The following DLGAP1 variants were observed in gnomAD, a reference collection of about 807,000 sequenced individuals.
DLGAP1 encodes the protein DLG associated protein 1.
Under a neutral mutation model 90.8 loss-of-function variants are expected in DLGAP1, and 11 were observed. That is an observed-to-expected ratio of 0.12 (90% confidence interval 0.08 to 0.20). The LOEUF is 0.20. Among genes scored for constraint, DLGAP1 ranks in the 10% least tolerant of loss-of-function variants. The pLI, the probability that DLGAP1 is intolerant of heterozygous loss-of-function variation, is 1.00. For synonymous variants in DLGAP1, 558 were observed against 540.7 expected (o/e 1.03, Z -0.44); for missense variants, 1,050 against 1,333.8 (o/e 0.79, Z 3.31).
intron 2 of DLGAP1, among the ~76,000 whole-genome samples, chr18:4,100,595 G>A (rs2075764958): frequency 1.3e-5 from 2 of 152,182 alleles, no homozygotes; most frequent in African/African-American, 4.8e-5. Context: ...GTCCTTTGAA[G>A]CTTTGAAACC....
At chr18:3,893,264 T>C (rs1352941075) in intron 3 of DLGAP1, among the ~76,000 whole-genome samples, 4 of 152,042 alleles carry the variant, frequency 2.6e-5, no homozygotes, top group African/African-American at 4.8e-5. Flanking sequence ...TGCCATGGTG[T>C]ATATATACCA....
At chr18:4,153,723 C>T (rs1359672133) in intron 1 of DLGAP1, among the ~76,000 whole-genome samples, 2 of 152,164 alleles carry the variant, frequency 1.3e-5, no homozygotes, top group Non-Finnish European at 2.9e-5. Context: ...CAATCATGTG[C>T]TTCCTACTCT....
chr18:4,229,144 A>G (rs765999287), intron 1 of DLGAP1, among the ~76,000 whole-genome samples: 2 of 152,030 alleles, frequency 1.3e-5, no homozygotes, highest in Non-Finnish European at 2.9e-5. Context: ...CGAAAGATCT[A>G]TAATGAAAAC....
chr18:3,793,595 A>G (rs2065846415), intron 5 of DLGAP1, among the ~76,000 whole-genome samples: 1 of 151,820 alleles, frequency 6.6e-6, no homozygotes, highest in South Asian at 2.1e-4. Flanking sequence ...TTAGAGTACA[A>G]CTCGAAGTGC....
In DLGAP1 at chr18:3,567,539, C is replaced by T. The variant is rs1046077831; in HGVS notation, c.2008G>A (p.Ala670Thr). 2 of 1,614,034 alleles carry T rather than the reference C, an allele frequency of 1.2e-6. No individual in the cohort carries two copies. The highest frequency in any genetic ancestry group is 1.7e-6 in the Non-Finnish European group (2 of 1,179,984). ...EEPDKTGENK[A>T]PSKFQSVGVQ... ...CCCACGGACTGGAACTTACTGGGTG[C>T]TTTATTCTCCCCTGTTTTGTCAGGT... The change falls in exon 9 of 13, where the codon GCA becomes ACA. Residue 670 changes from alanine (A) to threonine (T), a missense_variant. This residue lies in a region of DLGAP1 where 565 missense variants were observed against 879.7 expected (regional missense o/e 0.64). Coordinates refer to ENST00000315677, the MANE Select transcript of DLGAP1 (RefSeq NM_004746.4).
chr18:3,672,116 A>G, intron 7 of DLGAP1, among the ~76,000 whole-genome samples: 1 of 152,080 alleles, frequency 6.6e-6, no homozygotes, highest in East Asian at 1.9e-4. Context: ...ATCATTGAAA[A>G]TAAGTTATGA....
chr18:4,425,250 T>C (rs2083126889), intron 1 of DLGAP1, among the ~76,000 whole-genome samples: 1 of 152,192 alleles, frequency 6.6e-6, no homozygotes, highest in African/African-American at 2.4e-5. Flanking sequence ...CTTTACATTA[T>C]TTTGAAATCC....
intron 3 of DLGAP1, among the ~76,000 whole-genome samples, chr18:3,955,049 T>A (rs1381032040): frequency 6.6e-6 from 1 of 151,974 alleles, no homozygotes; most frequent in African/African-American, 2.4e-5. Flanking sequence ...CAAATGCATG[T>A]GAAGAAATTA....
intron 3 of DLGAP1, among the ~76,000 whole-genome samples, chr18:3,988,582 T>C (rs2083671): frequency 0.94 from 142,497 of 152,156 alleles, 66,767 homozygotes; most frequent in East Asian, 1. Context: ...GCTCCCATGA[T>C]AATTTAATGC....
At chr18:4,429,325 T>C (rs2144736837) in intron 1 of DLGAP1, among the ~76,000 whole-genome samples, 1 of 152,316 alleles carries the variant, frequency 6.6e-6, no homozygotes, top group Non-Finnish European at 1.5e-5. Flanking sequence ...CAGCCACCAC[T>C]TGGAAGGTGT....
At chr18:3,888,333 A>G (rs182295452) in intron 3 of DLGAP1, among the ~76,000 whole-genome samples, 2 of 152,226 alleles carry the variant, frequency 1.3e-5, no homozygotes, top group East Asian at 3.9e-4. Flanking sequence ...CTATTAGAAC[A>G]CCTTTGAATA....
chr18:3,708,863 A>G (rs1331892247), intron 7 of DLGAP1, among the ~76,000 whole-genome samples: 1 of 152,156 alleles, frequency 6.6e-6, no homozygotes, highest in Non-Finnish European at 1.5e-5. Context: ...CATTAGGTGG[A>G]AGGAAGAAGG....
intron 1 of DLGAP1, among the ~76,000 whole-genome samples, chr18:4,347,800 TA>T (rs926028361): frequency 5.9e-5 from 9 of 152,008 alleles, no homozygotes; most frequent in Non-Finnish European, 8.8e-5. Flanking sequence ...CTGAAAGTGT[TA>T]AAAAAATGCA....
At chr18:4,422,973 C>T (rs113971611) in intron 1 of DLGAP1, among the ~76,000 whole-genome samples, 4 of 151,982 alleles carry the variant, frequency 2.6e-5, no homozygotes, top group Admixed American at 6.6e-5. Flanking sequence ...CTAACCTTAA[C>T]ATAATGATTA....
At chr18:4,126,558 T>C (rs761908367) in intron 2 of DLGAP1, among the ~76,000 whole-genome samples, 28 of 152,180 alleles carry the variant, frequency 1.8e-4, no homozygotes, top group Non-Finnish European at 3.1e-4. Flanking sequence ...ACATACAGGG[T>C]AAATATATGT....
intron 1 of DLGAP1, among the ~76,000 whole-genome samples, chr18:4,193,010 A>G (rs1323772281): frequency 6.6e-6 from 1 of 152,250 alleles, no homozygotes; most frequent in African/African-American, 2.4e-5. Context: ...GTAGATTTTC[A>G]TACCTTTCTT....
chr18:3,574,673 G>A (rs1272998572), intron 8 of DLGAP1, among the ~76,000 whole-genome samples: 1 of 152,076 alleles, frequency 6.6e-6, no homozygotes, highest in Non-Finnish European at 1.5e-5. Flanking sequence ...TGCTGACTTC[G>A]AGGACATCAA....
chr18:4,444,761 A>T (rs543710826), intron 1 of DLGAP1, among the ~76,000 whole-genome samples: 1 of 152,204 alleles, frequency 6.6e-6, no homozygotes, highest in African/African-American at 2.4e-5. Context: ...AAAAATATAC[A>T]GTATGGTTAA....
intron 1 of DLGAP1, among the ~76,000 whole-genome samples, chr18:4,240,958 C>T (rs1260812523): frequency 6.6e-6 from 1 of 152,216 alleles, no homozygotes; most frequent in Non-Finnish European, 1.5e-5. Flanking sequence ...TGTCAGCATT[C>T]ATAGGCCTAT....
Sources: gnomAD v4.1 joint callset for allele counts (sites outside exome capture counted in the v4.1 genomes callset) on GRCh38, gnomAD v4.1.1 for gene constraint, gnomAD v4.1.1 regional missense constraint, MANE v1.5 for transcripts, NCBI Gene and HGNC (gene_info 2026-07-23, HGNC 2026-07-21) for gene names.